XKR6: variants seen among roughly 807,000 people sequenced by gnomAD.
XKR6 encodes XK-related protein 6.
Under a neutral mutation model 56.7 loss-of-function variants are expected in XKR6, and 22 were observed. That is an observed-to-expected ratio of 0.39 (90% CI 0.28 to 0.55). The LOEUF (loss-of-function observed/expected upper bound fraction) is 0.55. Ranked by LOEUF, XKR6 falls within the 20% of genes least tolerant of loss-of-function variation. XKR6 has a pLI of 0.66. For synonymous variants in XKR6, 524 were observed against 387.8 expected, an observed-to-expected ratio of 1.35 and a Z score of -4.13; for missense variants, 852 against 889.0, an observed-to-expected ratio of 0.96 and a Z score of 0.53.
intron 1 of XKR6, among the ~76,000 whole-genome samples, chr8:10,933,161 T>A (rs1248841761): frequency 7.1e-6 from 1 of 140,422 alleles, no homozygotes; most frequent in Non-Finnish European, 1.6e-5. Context: ...TGATGAGCAT[T>A]TTTTCATGTG....
intron 1 of XKR6, among the ~76,000 whole-genome samples, chr8:11,159,478 C>T (rs1301511710): frequency 2.0e-5 from 3 of 152,266 alleles, no homozygotes; most frequent in South Asian, 2.1e-4. Context: ...TTTCTGCTAA[C>T]AGACGCTGCT....
intron 2 of XKR6, among the ~76,000 whole-genome samples, chr8:10,913,397 G>A (rs775903423): frequency 4.6e-5 from 7 of 152,078 alleles, no homozygotes; most frequent in African/African-American, 7.2e-5. Flanking sequence ...GAGGTTAACC[G>A]TTGCCTTGCC....
intron 1 of XKR6, among the ~76,000 whole-genome samples, chr8:11,132,011 G>A (rs13266785): frequency 0.36 from 54,355 of 151,916 alleles, 10,554 homozygotes; most frequent in African/African-American, 0.43. Context: ...CTGCTGGCCC[G>A]AAGAGCCATT....
At chr8:10,976,587 C>T (rs760489899) in intron 1 of XKR6, among the ~76,000 whole-genome samples, 3 of 152,136 alleles carry the variant, frequency 2.0e-5, no homozygotes, top group African/African-American at 4.8e-5. Context: ...ATGTGCCAAA[C>T]GATGGTCACA....
chr8:10,979,407 C>T (rs1192239210), intron 1 of XKR6, among the ~76,000 whole-genome samples: 3 of 152,054 alleles, frequency 2.0e-5, no homozygotes, highest in Non-Finnish European at 2.9e-5. Context: ...CCAGCACGTT[C>T]CTGGTTCCTG....
intron 1 of XKR6, among the ~76,000 whole-genome samples, chr8:11,080,372 G>A (rs11250114): frequency 0.22 from 33,609 of 151,646 alleles, 4,098 homozygotes; most frequent in African/African-American, 0.32. Flanking sequence ...AACAGGGTGG[G>A]GAAGGAGAAA....
chr8:11,067,766 G>A (rs920695633), intron 1 of XKR6, among the ~76,000 whole-genome samples: 3 of 152,208 alleles, frequency 2.0e-5, no homozygotes, highest in Non-Finnish European at 4.4e-5. Flanking sequence ...AATGGGGAGA[G>A]GAGTCTCTGC....
chr8:10,990,149 C>A (rs752561811), intron 1 of XKR6, among the ~76,000 whole-genome samples: 1 of 152,096 alleles, frequency 6.6e-6, no homozygotes, highest in Non-Finnish European at 1.5e-5. Context: ...ACTTTTGTGA[C>A]AGTCAGGTAT....
chr8:10,939,778 G>A (rs1202349914), intron 1 of XKR6, among the ~76,000 whole-genome samples: 1 of 152,256 alleles, frequency 6.6e-6, no homozygotes, highest in Non-Finnish European at 1.5e-5. Flanking sequence ...GGCACTGTGA[G>A]CAATGCAGAG....
chr8:11,114,627 C>A (rs961829563), intron 1 of XKR6, among the ~76,000 whole-genome samples: 1 of 152,134 alleles, frequency 6.6e-6, no homozygotes, highest in African/African-American at 2.4e-5. Flanking sequence ...TCCCAAAGTG[C>A]TGGGATGACA....
intron 1 of XKR6, among the ~76,000 whole-genome samples, chr8:11,112,594 A>G (rs1477322420): frequency 1.3e-5 from 2 of 152,242 alleles, no homozygotes; most frequent in African/African-American, 4.8e-5. Flanking sequence ...CAGAAAATCA[A>G]GAGTTCAGAG....
At chr8:11,033,382 G>GTGA (rs1216034523) in intron 1 of XKR6, among the ~76,000 whole-genome samples, 1 of 147,992 alleles carries the variant, frequency 6.8e-6, no homozygotes, top group Admixed American at 6.7e-5. Context: ...GATGGTGGTG[G>GTGA]TGATGATGAT....
chr8:10,912,143 T>C (rs1008306213), intron 2 of XKR6, among the ~76,000 whole-genome samples: 3 of 147,924 alleles, frequency 2.0e-5, no homozygotes, highest in African/African-American at 7.5e-5. Flanking sequence ...GAGAGGTGTA[T>C]ATATAGAGAG....
At chr8:11,114,812 C>T (rs995033038) in intron 1 of XKR6, among the ~76,000 whole-genome samples, 1 of 145,218 alleles carries the variant, frequency 6.9e-6, no homozygotes, top group Non-Finnish European at 1.5e-5. Flanking sequence ...AATGCTAAAC[C>T]GTAACAATAG....
intron 1 of XKR6, among the ~76,000 whole-genome samples, chr8:11,186,063 A>T (rs1263704406): frequency 2.6e-5 from 4 of 152,206 alleles, no homozygotes; most frequent in Non-Finnish European, 5.9e-5. Context: ...TTCTTTACAG[A>T]AAAAGCTTGC....
At chr8:11,097,379 G>C (rs965393429) in intron 1 of XKR6, among the ~76,000 whole-genome samples, 2 of 151,666 alleles carry the variant, frequency 1.3e-5, no homozygotes, top group African/African-American at 4.8e-5. Context: ...TTGGGTTCCA[G>C]CATAAACTTG....
intron 1 of XKR6, among the ~76,000 whole-genome samples, chr8:11,101,342 T>C (rs1490835250): frequency 1.3e-5 from 2 of 152,208 alleles, no homozygotes; most frequent in African/African-American, 4.8e-5. Flanking sequence ...TTGAAAAAGA[T>C]GCCGTGATTG....
chr8:11,188,705 A>G (rs1185376540), intron 1 of XKR6, among the ~76,000 whole-genome samples: 1 of 152,182 alleles, frequency 6.6e-6, no homozygotes, highest in Non-Finnish European at 1.5e-5. Context: ...CCTTATGACC[A>G]AACAAAATGA....
In XKR6 at chr8:10,909,165, C is replaced by CA. The variant is rs33974218; in HGVS notation, c.962-10250dup. Among the ~76,000 whole-genome samples the CA allele has an allele frequency of 2.7e-3, 373 of 140,714 alleles. 1 individual carries two copies. The highest frequency in any genetic ancestry group is 7.3e-3 in the Middle Eastern group (2 of 274). 92.3% of individuals were successfully genotyped at this position (140,714 alleles called of 152,430 possible). A position where few individuals can be genotyped will look rare whatever the true frequency, so the allele number is the denominator to read the frequency against. ...TGGATGACAGAGCAAGACTCTGTCT[C>CA]AAAAAAAAAAAAAAATAGTTTGGCC... On this transcript the variant is annotated intron_variant, in intron 2 of 2. Coordinates refer to ENST00000416569, the MANE Select transcript of XKR6 (RefSeq NM_173683.4).
Sources: gnomAD v4.1 joint callset for allele counts (sites outside exome capture counted in the v4.1 genomes callset) on GRCh38, gnomAD v4.1.1 for gene constraint, MANE v1.5 for transcripts, NCBI Gene and HGNC (gene_info 2026-07-23, HGNC 2026-07-21) for gene names.